The following GALNTL6 variants were observed in gnomAD, a reference collection of about 807,000 sequenced individuals.
GALNTL6 encodes the protein polypeptide N-acetylgalactosaminyltransferase-like 6.
GALNTL6 carries 46 observed loss-of-function variants against 73.7 expected under a neutral mutation model. The ratio of observed to expected loss-of-function variants is 0.62; its 90% CI spans 0.49 to 0.80. The LOEUF (loss-of-function observed/expected upper bound fraction) is 0.80, where lower values mean the gene tolerates loss of function less well. Among genes scored for constraint, GALNTL6 ranks in the 30% least tolerant of loss-of-function variants. The pLI, the probability that GALNTL6 is intolerant of heterozygous loss-of-function variation, is 0.00. For synonymous variants in GALNTL6, 259 were observed against 263.7 expected (o/e 0.98, Z 0.17); for missense variants, 604 against 755.0 (o/e 0.80, Z 2.34).
chr4:172,150,461 G>A (rs1452390227), intron 2 of GALNTL6, among the ~76,000 whole-genome samples: 2 of 152,166 alleles, frequency 1.3e-5, no homozygotes, highest in Non-Finnish European at 2.9e-5. Flanking sequence ...TGAGTAGAAT[G>A]GTAGTGAAGG....
chr4:172,853,611 C>T lies in GALNTL6; in HGVS notation c.924-29179C>T, dbSNP rs186339023. 4.1e-3 allele frequency among the ~76,000 whole-genome samples: 628 copies of T among 152,290 alleles called. 7 individuals are homozygous for T. The highest frequency in any genetic ancestry group is 0.014 in the African/African-American group (594 of 41,562). ...CTCATATTTGGAGGCCTTAACTCTT[C>T]CCCAACAACCCATTCACTCATTTAA... On this transcript the variant is annotated intron_variant, in intron 7 of 12. Transcript: ENST00000506823.
chr4:172,794,962 T>G (rs75596667), intron 5 of GALNTL6, among the ~76,000 whole-genome samples: 56 of 152,276 alleles, frequency 3.7e-4, no homozygotes, highest in African/African-American at 1.3e-3. Context: ...GAATGCTATT[T>G]GGACAGATTA....
chr4:172,670,629 T>C (rs1731923075), intron 5 of GALNTL6, among the ~76,000 whole-genome samples: 1 of 152,202 alleles, frequency 6.6e-6, no homozygotes, highest in Non-Finnish European at 1.5e-5. Flanking sequence ...TAGTTTCTTT[T>C]GTTGTGCAAA....
chr4:172,160,256 T>A (rs1734411746), intron 2 of GALNTL6, among the ~76,000 whole-genome samples: 1 of 151,918 alleles, frequency 6.6e-6, no homozygotes, highest in African/African-American at 2.4e-5. Context: ...AAATTCCAAG[T>A]TATGGACATG....
At chr4:172,232,926 G>T (rs551258337) in intron 3 of GALNTL6, among the ~76,000 whole-genome samples, 1 of 152,096 alleles carries the variant, frequency 6.6e-6, no homozygotes, top group South Asian at 2.1e-4. Context: ...TTTATTTAGT[G>T]ACAAGCACGT....
At chr4:172,351,893 T>A (rs1407776378) in intron 5 of GALNTL6, among the ~76,000 whole-genome samples, 1 of 152,082 alleles carries the variant, frequency 6.6e-6, no homozygotes, top group Non-Finnish European at 1.5e-5. Context: ...CTCTACAAGA[T>A]CCTTTGGCCA....
At chr4:171,876,039 A>G (rs1254478003) in intron 2 of GALNTL6, among the ~76,000 whole-genome samples, 1 of 152,130 alleles carries the variant, frequency 6.6e-6, no homozygotes, top group Admixed American at 6.6e-5. Flanking sequence ...CCTACTTTTA[A>G]TAGATAAGGA....
chr4:172,322,558 G>A lies in GALNTL6; in HGVS notation c.386+10806G>A, dbSNP rs141539038. ...TTCTGCAGGCTGTACAGGAAGCATG[G>A]CTGGGGAAGCCTCAGGAAACTCATA... On this transcript the variant is annotated intron_variant, in intron 4 of 12. Transcript: ENST00000506823. Among the ~76,000 whole-genome samples, 433 of 152,266 alleles carry A rather than the reference G, an allele frequency of 2.8e-3. 2 individuals are homozygous for A. The highest frequency in any genetic ancestry group is 5.0e-3 in the South Asian group (24 of 4,826).
chr4:172,595,507 T>C (rs1461131833), intron 5 of GALNTL6, among the ~76,000 whole-genome samples: 1 of 152,158 alleles, frequency 6.6e-6, no homozygotes, highest in Middle Eastern at 3.2e-3. Context: ...TTTCCACCCA[T>C]ATATTCCTCT....
chr4:172,000,976 A>C (rs960274844), intron 2 of GALNTL6, among the ~76,000 whole-genome samples: 2 of 152,168 alleles, frequency 1.3e-5, no homozygotes, highest in Non-Finnish European at 2.9e-5. Flanking sequence ...AAAGTTGTTG[A>C]GAAAGATATG....
intron 5 of GALNTL6, among the ~76,000 whole-genome samples, chr4:172,504,175 A>AAAAAAAC (rs1363544210): frequency 2.5e-5 from 1 of 39,290 alleles, no homozygotes; most frequent in African/African-American, 7.7e-5. Flanking sequence ...AAAAAAAAAA[A>AAAAAAAC]AAAACTCACA....
chr4:172,544,268 TG>T (rs1359936227), intron 5 of GALNTL6, among the ~76,000 whole-genome samples: 3 of 152,340 alleles, frequency 2.0e-5, no homozygotes, highest in African/African-American at 7.2e-5. Context: ...CTGGTTTTCC[TG>T]GTCTCAGGAA....
chr4:172,407,303 G>A (rs1744273001), intron 5 of GALNTL6, among the ~76,000 whole-genome samples: 2 of 152,034 alleles, frequency 1.3e-5, no homozygotes, highest in Admixed American at 6.6e-5. Flanking sequence ...GTAGGCCAAT[G>A]ATTAATGATT....
chr4:172,525,261 G>A (rs1734912893), intron 5 of GALNTL6, among the ~76,000 whole-genome samples: 1 of 152,140 alleles, frequency 6.6e-6, no homozygotes, highest in African/African-American at 2.4e-5. Context: ...TCACACAAAT[G>A]TTTTAGGATA....
chr4:172,659,218 C>G (rs1731244737), intron 5 of GALNTL6, among the ~76,000 whole-genome samples: 1 of 151,952 alleles, frequency 6.6e-6, no homozygotes, highest in African/African-American at 2.4e-5. Flanking sequence ...ATCATAAAAG[C>G]TTTAATTTTT....
chr4:172,515,242 T>G (rs1229631384), intron 5 of GALNTL6, among the ~76,000 whole-genome samples: 1 of 152,232 alleles, frequency 6.6e-6, no homozygotes, highest in Non-Finnish European at 1.5e-5. Context: ...ACTTCTGATT[T>G]TCAAAAATGG....
rs776321405 is a variant in GALNTL6, at chr4:172,054,171, CTAT to C, written c.139-175482_139-175480del. 1.9e-3 allele frequency among the ~76,000 whole-genome samples: 284 copies of C among 151,962 alleles called. 2 individuals carry two copies. Among genetic ancestry groups the C allele is most frequent in the Middle Eastern group, 3.4e-3 (1 of 294 alleles). On this transcript the variant is annotated intron_variant, in intron 2 of 12. Coordinates refer to ENST00000506823, the MANE Select transcript of GALNTL6 (RefSeq NM_001034845.3). ...AATCTAATATTCATACTTAATTTTTCTATTAATATTATAATTAATGTTTGATAA... is the reference window on the plus strand; with the variant it reads ...AATCTAATATTCATACTTAATTTTTCTAATATTATAATTAATGTTTGATAA...
At chr4:171,999,978 G>A (rs916602691) in intron 2 of GALNTL6, among the ~76,000 whole-genome samples, 2 of 152,116 alleles carry the variant, frequency 1.3e-5, no homozygotes, top group African/African-American at 4.8e-5. Context: ...ATGGAATATG[G>A]TGGGAAAGTA....
chr4:172,180,750 G>C (rs1735216013), intron 2 of GALNTL6, among the ~76,000 whole-genome samples: 1 of 152,166 alleles, frequency 6.6e-6, no homozygotes, highest in Admixed American at 6.5e-5. Flanking sequence ...TCAAAGATCA[G>C]ATGGTTGTAG....
Sources: allele counts gnomAD v4.1 joint callset (sites outside exome capture counted in the v4.1 genomes callset), GRCh38; gene constraint gnomAD v4.1.1; transcripts MANE v1.5; gene names NCBI Gene and HGNC (gene_info 2026-07-23, HGNC 2026-07-21).